Variants in CLUL1 observed in about 807,000 individuals in gnomAD.
CLUL1 encodes clusterin-like protein 1.
In CLUL1, 43 loss-of-function variants were observed where a neutral mutation model predicts 49.4. The ratio of observed to expected loss-of-function variants is 0.87; its 90% confidence interval spans 0.68 to 1.12. The LOEUF (loss-of-function observed/expected upper bound fraction) is 1.12, where lower values mean the gene tolerates loss of function less well. CLUL1 is among the 50% of genes most tolerant of loss of function. CLUL1 has a pLI of 0.00. For synonymous variants in CLUL1, 192 were observed against 184.9 expected, an observed-to-expected ratio of 1.04 and a Z score of -0.31; for missense variants, 486 against 544.4, an observed-to-expected ratio of 0.89 and a Z score of 1.07.
rs1197741285 is a variant in CLUL1, at chr18:633,383, A to G, written c.942A>G (p.Arg314=). The G allele has an allele frequency of 1.9e-6, 3 of 1,613,644 alleles. No individual in the cohort carries two copies. The highest frequency in any genetic ancestry group is 1.7e-6 in the Non-Finnish European group (2 of 1,179,684). Residue 314 remains arginine (R), a synonymous_variant, in exon 7 of 10, where the codon AGA becomes AGG. Transcript: ENST00000692774. ...LCGELDQNLS[R]CFKFHEKCQK... The stretch of plus-strand genomic sequence containing the variant: ...GGGAACTTGACCAGAATTTGTCAAG[A>G]TGTTTCAAATTTCATGAAAAATGCC...
At chr18:644,277 A>G (rs761443337) in intron 8 of CLUL1, among the ~76,000 whole-genome samples, 11 of 152,242 alleles carry the variant, frequency 7.2e-5, no homozygotes, top group Admixed American at 2.6e-4. Flanking sequence ...CATTTAAATG[A>G]TTCAAATCAA....
intron 2 of CLUL1, chr18:612,627 T>G (rs2073169763): frequency 6.6e-6 from 1 of 152,250 alleles, no homozygotes; most frequent in Admixed American, 6.5e-5. Context: ...CAAAGAGGCC[T>G]TCCTCGGCCA....
intron 6 of CLUL1, among the ~76,000 whole-genome samples, chr18:630,177 T>C (rs1424990086): frequency 2.0e-5 from 3 of 152,160 alleles, no homozygotes; most frequent in African/African-American, 7.2e-5. Context: ...GGAATGATCT[T>C]GGCTCACTGC....
intron 1 of CLUL1, among the ~76,000 whole-genome samples, chr18:602,073 T>G (rs908686569): frequency 7.9e-5 from 12 of 151,930 alleles, no homozygotes; most frequent in African/African-American, 2.9e-4. Context: ...AAAAAAAAAT[T>G]TAAAAGAGGT....
rs1203256596 is a variant in CLUL1, at chr18:607,656, G to A, written c.-14+557G>A. Among the ~76,000 whole-genome samples the A allele has an allele frequency of 2.6e-5, 4 of 152,192 alleles. No homozygotes were observed. In the East Asian group the frequency reaches 7.7e-4, roughly 29 times the overall value. ...GTGTCCAGGCTGGTCTCAAACTCCT[G>A]GGCTCCAGTGATGCTCCCACATTGG... On this transcript the variant is annotated intron_variant, in intron 2 of 9. Coordinates refer to ENST00000692774, the MANE Select transcript of CLUL1 (RefSeq NM_001393344.1).
chr18:635,456 A>G (rs1295168806), intron 7 of CLUL1, among the ~76,000 whole-genome samples: 2 of 152,116 alleles, frequency 1.3e-5, no homozygotes, highest in East Asian at 1.9e-4. Context: ...ACAGGCTGAT[A>G]TGGGTCCGTG....
chr18:638,750 C>A (rs2074234485), intron 7 of CLUL1, among the ~76,000 whole-genome samples: 2 of 151,696 alleles, frequency 1.3e-5, no homozygotes, highest in South Asian at 4.2e-4. Flanking sequence ...CTCAGCTACT[C>A]CGGAGGCTGA....
At chr18:644,792 C>G in intron 8 of CLUL1, 118 bp from the exon 9 acceptor site, 1 of 642,792 alleles carries the variant, frequency 1.6e-6, no homozygotes, top group Non-Finnish European at 2.6e-6. Context: ...CTAGGAATGC[C>G]AGGACTAATC....
At chr18:614,938 A>G (rs1471021611) in intron 2 of CLUL1, 1 of 152,244 alleles carries the variant, frequency 6.6e-6, no homozygotes, top group African/African-American at 2.4e-5. Context: ...CATATTAGCA[A>G]GACCTTTATG....
At chr18:599,774 T>C (rs555485087) in intron 1 of CLUL1, among the ~76,000 whole-genome samples, 60 of 151,954 alleles carry the variant, frequency 3.9e-4, no homozygotes, top group African/African-American at 1.4e-3. Flanking sequence ...CTACTAAAAA[T>C]ACAAAAAATT....
At chr18:624,774 T>G in intron 4 of CLUL1, 91 bp from the exon 5 acceptor site, 1 of 1,256,892 alleles carries the variant, frequency 8.0e-7, no homozygotes, top group Non-Finnish European at 1.1e-6. Context: ...AAAAAGCAGT[T>G]TAGAATGTAT....
intron 6 of CLUL1, among the ~76,000 whole-genome samples, chr18:631,255 C>G (rs2073987062): frequency 6.6e-6 from 1 of 152,112 alleles, no homozygotes; most frequent in Non-Finnish European, 1.5e-5. Flanking sequence ...ACCTCAGTTC[C>G]TGAATCTGTT....
chr18:628,829 C>T (rs1333238199), intron 6 of CLUL1, among the ~76,000 whole-genome samples: 1 of 151,760 alleles, frequency 6.6e-6, no homozygotes, highest in Non-Finnish European at 1.5e-5. Context: ...ACAGGGGTTT[C>T]ACCATGTTGG....
chr18:607,309 A>G (rs577800953), intron 2 of CLUL1, among the ~76,000 whole-genome samples: 3 of 152,176 alleles, frequency 2.0e-5, no homozygotes, highest in African/African-American at 7.2e-5. Context: ...TTGTATTTTT[A>G]GTAGAGATGT....
At chr18:646,938 A>T (rs964578234) in intron 9 of CLUL1, among the ~76,000 whole-genome samples, 1 of 151,832 alleles carries the variant, frequency 6.6e-6, no homozygotes, top group Non-Finnish European at 1.5e-5. Flanking sequence ...TTTAGTAGAG[A>T]CAGGGTTTCA....
intron 4 of CLUL1, among the ~76,000 whole-genome samples, chr18:624,576 G>C (rs2073617968): frequency 6.6e-6 from 1 of 152,134 alleles, no homozygotes; most frequent in Non-Finnish European, 1.5e-5. Context: ...TCATTGTCAG[G>C]TCACCCACAC....
intron 2 of CLUL1, chr18:613,248 C>T (rs2073193483): frequency 2.3e-6 from 1 of 443,336 alleles, no homozygotes. Flanking sequence ...AAGCGATTCT[C>T]CTGCCTCAGC....
At chr18:645,813 ATATATATATATAT>A (rs1567979916) in intron 9 of CLUL1, among the ~76,000 whole-genome samples, 4,879 of 56,992 alleles carry the variant, frequency 0.086, 820 homozygotes, top group East Asian at 0.18. Flanking sequence ...AAAAAAAAAT[ATATATATATATAT>A]ATATATATAT....
chr18:649,996 A>T lies in CLUL1; in HGVS notation c.*95A>T. The T allele has an allele frequency of 1.2e-6, 1 of 857,890 alleles. No individual in the cohort carries two copies. The highest frequency in any genetic ancestry group is 2.3e-5 in the Admixed American group (1 of 44,266). 53.1% of individuals were successfully genotyped at this position (857,890 alleles called of 1,614,324 possible). ...TAAAAAAGGATAATGCAATAAACAC[A>T]GTTGCAGGAAAGTATGTTAGCTATA... On this transcript the variant is annotated 3_prime_UTR_variant, in exon 10 of 10. Transcript: ENST00000692774.
Sources: gnomAD v4.1 joint callset for allele counts (sites outside exome capture counted in the v4.1 genomes callset) on GRCh38, gnomAD v4.1.1 for gene constraint, MANE v1.5 for transcripts, NCBI Gene and HGNC (gene_info 2026-07-23, HGNC 2026-07-21) for gene names.